Variants in RIT2 observed in about 807,000 individuals in gnomAD.
The protein encoded by RIT2 is Ras like without CAAX 2.
Under a neutral mutation model 23.7 loss-of-function variants are expected in RIT2, and 24 were observed. The observed-to-expected ratio is 1.01, with a 90% CI of 0.73 to 1.43. The LOEUF is 1.43. RIT2 is among the 40% of genes most tolerant of loss of function. The probability of loss-of-function intolerance (pLI) is 0.00; values close to 1 mark genes in which losing one functional copy is unlikely to be tolerated. For missense variants in RIT2, 236 were observed against 266.9 expected (o/e 0.88, Z 0.81); for synonymous variants, 107 against 91.1 (o/e 1.17, Z -0.99).
intron 3 of RIT2, among the ~76,000 whole-genome samples, chr18:42,933,732 T>C (rs1909383747): frequency 6.6e-6 from 1 of 152,082 alleles, no homozygotes; most frequent in Non-Finnish European, 1.5e-5. Flanking sequence ...AATTAACCTC[T>C]TTCCTGGCCG....
intron 4 of RIT2, among the ~76,000 whole-genome samples, chr18:42,783,166 G>T (rs546109937): frequency 1.3e-5 from 2 of 152,180 alleles, no homozygotes; most frequent in Admixed American, 6.5e-5. Flanking sequence ...GGAATTAATT[G>T]TGTAATGTGT....
intron 4 of RIT2, among the ~76,000 whole-genome samples, chr18:42,866,239 T>C (rs950355256): frequency 5.9e-5 from 9 of 152,216 alleles, no homozygotes; most frequent in Non-Finnish European, 1.3e-4. Context: ...AATGCACATG[T>C]CTTGTTATCA....
intron 2 of RIT2, among the ~76,000 whole-genome samples, chr18:43,015,152 T>C (rs1190415421): frequency 6.6e-6 from 1 of 151,742 alleles, no homozygotes; most frequent in East Asian, 1.9e-4. Flanking sequence ...ATAGTAGTTA[T>C]ATGAGTGGTT....
intron 3 of RIT2, among the ~76,000 whole-genome samples, chr18:42,945,534 G>A (rs1347582904): frequency 6.6e-6 from 1 of 152,156 alleles, no homozygotes; most frequent in South Asian, 2.1e-4. Flanking sequence ...GGTTTTTGCT[G>A]CATAGGCAAA....
intron 1 of RIT2, among the ~76,000 whole-genome samples, chr18:43,083,424 C>A (rs1299960634): frequency 6.6e-6 from 1 of 152,144 alleles, no homozygotes; most frequent in Non-Finnish European, 1.5e-5. Flanking sequence ...ATATCCAAGA[C>A]AATCCAAAGC....
intron 4 of RIT2, among the ~76,000 whole-genome samples, chr18:42,836,653 G>A (rs1454311354): frequency 6.6e-6 from 1 of 152,068 alleles, no homozygotes; most frequent in Non-Finnish European, 1.5e-5. Context: ...GAAACAATAT[G>A]AACAGTAATA....
intron 1 of RIT2, among the ~76,000 whole-genome samples, chr18:43,053,204 T>A (rs904652673): frequency 1.3e-5 from 2 of 152,030 alleles, no homozygotes; most frequent in Admixed American, 1.3e-4. Context: ...TGTTAAGTAA[T>A]TTACATACTT....
chr18:43,111,630 G>T (rs144383057), intron 1 of RIT2, among the ~76,000 whole-genome samples: 1 of 152,032 alleles, frequency 6.6e-6, no homozygotes, highest in Admixed American at 6.6e-5. Context: ...TACTAATTTA[G>T]CATAAACCCC....
At chr18:43,003,974 T>G (rs1911169011) in intron 2 of RIT2, among the ~76,000 whole-genome samples, 1 of 117,314 alleles carries the variant, frequency 8.5e-6, no homozygotes, top group African/African-American at 3.4e-5. Flanking sequence ...CTTTCTCTGC[T>G]TTTTCTGTAC....
chr18:42,962,422 T>C (rs111864332), intron 3 of RIT2, among the ~76,000 whole-genome samples: 211 of 152,334 alleles, frequency 1.4e-3, no homozygotes, highest in African/African-American at 4.8e-3. Flanking sequence ...AAATTCCCAT[T>C]AGATAAGATT....
At chr18:42,764,107 C>G (rs1157897168) in intron 4 of RIT2, among the ~76,000 whole-genome samples, 1 of 152,176 alleles carries the variant, frequency 6.6e-6, no homozygotes, top group African/African-American at 2.4e-5. Flanking sequence ...ATAAATAATG[C>G]TGCAGAGAAG....
At chr18:42,896,601 T>G (rs1908337180) in intron 4 of RIT2, among the ~76,000 whole-genome samples, 2 of 152,214 alleles carry the variant, frequency 1.3e-5, no homozygotes, top group Non-Finnish European at 2.9e-5. Flanking sequence ...TGAAAAATGT[T>G]TTCTGTCTTA....
chr18:43,042,507 A>T (rs1178774550), intron 1 of RIT2, among the ~76,000 whole-genome samples: 4 of 152,152 alleles, frequency 2.6e-5, no homozygotes, highest in African/African-American at 9.7e-5. Flanking sequence ...TCTCCTCCAG[A>T]TACCTGCATG....
At position 42,923,619 on chromosome 18, in the gene RIT2, G is replaced by T. The variant is rs267605184; in HGVS notation, c.379C>A (p.Pro127Thr). The T allele has an allele frequency of 6.2e-7, 1 of 1,613,440 alleles. No individual in the cohort carries two copies. Among genetic ancestry groups the T allele is most frequent in the Admixed American group, 1.7e-5 (1 of 59,954 alleles). Residue 127 changes from proline (P) to threonine (T), a missense_variant, in exon 4 of 5, where the codon CCC (proline) becomes ACC (threonine). By Grantham distance (38) the Pro-to-Thr change is conservative. Coordinates refer to ENST00000326695, the MANE Select transcript of RIT2 (RefSeq NM_002930.4). The part of the protein sequence containing the change: ...IFQVRHTYEI[P>T]LVLVGNKIDL... The stretch of plus-strand genomic sequence containing the variant: ...ATTTTGTTACCCACCAGCACCAGGG[G>T]AATTTCATAGGTGTGGCGGACCTGA...
intron 1 of RIT2, among the ~76,000 whole-genome samples, chr18:43,041,500 C>A (rs2144294734): frequency 6.6e-6 from 1 of 152,156 alleles, no homozygotes; most frequent in East Asian, 1.9e-4. Context: ...GTGGCTATAT[C>A]ATTAACATAT....
intron 1 of RIT2, among the ~76,000 whole-genome samples, chr18:43,059,318 C>T (rs908538620): frequency 2.6e-5 from 4 of 152,044 alleles, no homozygotes; most frequent in African/African-American, 9.7e-5. Context: ...TAAATAATTA[C>T]CTACGGACAT....
chr18:42,825,777 T>G lies in RIT2; in HGVS notation c.427-82057A>C, dbSNP rs73951763. Among the ~76,000 whole-genome samples, 758 of 151,980 alleles carry G rather than the reference T, an allele frequency of 5.0e-3. 7 individuals carry two copies. The highest frequency in any genetic ancestry group is 0.017 in the African/African-American group (712 of 41,522). ...GTTTTAAATGGATCAAAAAAATATA[T>G]TAGGTCTGTTCAATTGAAAACTAAG... On this transcript the variant is annotated intron_variant, in intron 4 of 4. Coordinates refer to ENST00000326695, the MANE Select transcript of RIT2 (RefSeq NM_002930.4).
At chr18:42,870,482 G>A (rs1442703382) in intron 4 of RIT2, among the ~76,000 whole-genome samples, 1 of 152,082 alleles carries the variant, frequency 6.6e-6, no homozygotes, top group Non-Finnish European at 1.5e-5. Context: ...TCAAAGTGCT[G>A]GGATTACAGG....
intron 4 of RIT2, among the ~76,000 whole-genome samples, chr18:42,869,767 T>C (rs1227493951): frequency 6.6e-6 from 1 of 152,210 alleles, no homozygotes; most frequent in African/African-American, 2.4e-5. Flanking sequence ...GTAAAACTCA[T>C]AATTAACAAC....
Sources: allele counts gnomAD v4.1 joint callset (sites outside exome capture counted in the v4.1 genomes callset), GRCh38; gene constraint gnomAD v4.1.1; transcripts MANE v1.5; gene names NCBI Gene and HGNC (gene_info 2026-07-23, HGNC 2026-07-21).